The following TENM3 variants were observed in gnomAD, a reference collection of about 807,000 sequenced individuals.
TENM3 encodes teneurin transmembrane protein 3, also known as teneurin-3.
Under a neutral mutation model 255.1 loss-of-function variants are expected in TENM3, and 63 were observed. The observed-to-expected ratio is 0.25, with a 90% confidence interval of 0.20 to 0.30. The LOEUF is 0.30. TENM3 is among the 10% of genes least tolerant of loss of function. The pLI is 1.00. For synonymous variants in TENM3, 1,306 were observed against 1,322.3 expected, an observed-to-expected ratio of 0.99 and a Z score of 0.27; for missense variants, 2,929 against 3,461.1, an observed-to-expected ratio of 0.85 and a Z score of 3.86.
intron 2 of TENM3, among the ~76,000 whole-genome samples, chr4:182,346,307 T>G (rs1764802073): frequency 1.3e-5 from 2 of 152,168 alleles, no homozygotes; most frequent in South Asian, 4.1e-4. Context: ...CAATTTCCAT[T>G]GCCTCACAAG....
At chr4:182,477,373 T>G (rs1438167155) in intron 3 of TENM3, among the ~76,000 whole-genome samples, 1 of 152,138 alleles carries the variant, frequency 6.6e-6, no homozygotes, top group Non-Finnish European at 1.5e-5. Flanking sequence ...CGTTCCACCT[T>G]CATTGAGACC....
chr4:182,304,071 C>T (rs1228226597), intron 1 of TENM3, among the ~76,000 whole-genome samples: 9 of 149,838 alleles, frequency 6.0e-5, no homozygotes, highest in East Asian at 2.0e-4. Context: ...TTCCAGTATT[C>T]GAGAGGAAAA....
chr4:182,721,346 C>A (rs1223436945), intron 13 of TENM3, among the ~76,000 whole-genome samples: 2 of 152,152 alleles, frequency 1.3e-5, no homozygotes, highest in East Asian at 3.9e-4. Context: ...TAAATAAATA[C>A]TATTCTAAAT....
chr4:181,630,843 G>A, the TENM3 span, among the ~76,000 whole-genome samples: 19 of 152,150 alleles, frequency 1.2e-4, no homozygotes, highest in Non-Finnish European at 2.2e-4. Flanking sequence ...TTCTGTAGAC[G>A]TCTATTAGGT....
At chr4:181,986,625 G>A in the TENM3 span, among the ~76,000 whole-genome samples, 1 of 151,878 alleles carries the variant, frequency 6.6e-6, no homozygotes, top group Non-Finnish European at 1.5e-5. Context: ...TTCTCATCTG[G>A]CTCCAAGCAC....
At chr4:182,267,214 T>TAAC (rs1356204606) in intron 1 of TENM3, among the ~76,000 whole-genome samples, 2 of 152,230 alleles carry the variant, frequency 1.3e-5, no homozygotes, top group South Asian at 4.1e-4. Flanking sequence ...TTACAGCTTT[T>TAAC]AACAGTTGAG....
the TENM3 span, among the ~76,000 whole-genome samples, chr4:182,114,033 C>A: frequency 1.3e-5 from 2 of 152,184 alleles, no homozygotes; most frequent in African/African-American, 4.8e-5. Context: ...TGAAGTCAGA[C>A]TACCCTGCTT....
At chr4:182,308,646 T>C (rs1762271237) in intron 1 of TENM3, among the ~76,000 whole-genome samples, 1 of 152,192 alleles carries the variant, frequency 6.6e-6, no homozygotes, top group South Asian at 2.1e-4. Context: ...AACCTATGCA[T>C]GTATTTGTCT....
chr4:182,492,890 ATT>A (rs140098543), intron 3 of TENM3, among the ~76,000 whole-genome samples: 8 of 146,024 alleles, frequency 5.5e-5, no homozygotes, highest in South Asian at 4.3e-4. Flanking sequence ...TCATGTCAAC[ATT>A]TTTTTTTTTT....
chr4:181,905,919 T>C, the TENM3 span: 1 of 569,780 alleles, frequency 1.8e-6, no homozygotes. Context: ...CTCAGCAGAA[T>C]GACATTGCTC....
chr4:182,093,601 A>C, the TENM3 span, among the ~76,000 whole-genome samples: 2 of 152,176 alleles, frequency 1.3e-5, no homozygotes, highest in African/African-American at 2.4e-5. Flanking sequence ...GCCAACATGC[A>C]AACTTCCACT....
chr4:181,980,406 A>G, the TENM3 span: 1 of 152,190 alleles, frequency 6.6e-6, no homozygotes. Flanking sequence ...TATAAAATAA[A>G]TTTCATAGCC....
chr4:182,783,574 C>T (rs1397981960), intron 24 of TENM3, among the ~76,000 whole-genome samples: 2 of 150,036 alleles, frequency 1.3e-5, no homozygotes, highest in African/African-American at 4.9e-5. Context: ...GTGGCGTTCT[C>T]TGTATTTCCT....
the TENM3 span, among the ~76,000 whole-genome samples, chr4:181,821,096 C>T: frequency 2.0e-5 from 3 of 152,154 alleles, no homozygotes; most frequent in Non-Finnish European, 4.4e-5. Flanking sequence ...ATGGCAGTGC[C>T]TAGAGCCCCA....
the TENM3 span, among the ~76,000 whole-genome samples, chr4:181,867,700 A>G: frequency 3.2e-4 from 48 of 152,306 alleles, no homozygotes; most frequent in East Asian, 8.9e-3. Context: ...CTGTTATGAT[A>G]AAATTAATGT....
chr4:182,677,148 G>A (rs898390219), intron 7 of TENM3, among the ~76,000 whole-genome samples: 2 of 152,172 alleles, frequency 1.3e-5, no homozygotes, highest in African/African-American at 4.8e-5. Context: ...GATGGTTTTA[G>A]TGTTAAAGTA....
the TENM3 span, among the ~76,000 whole-genome samples, chr4:181,773,385 C>T: frequency 5.1e-3 from 776 of 152,262 alleles, 8 homozygotes; most frequent in African/African-American, 0.017. Context: ...GTATTTGCTA[C>T]GGTTGATGTC....
intron 3 of TENM3, among the ~76,000 whole-genome samples, chr4:182,455,137 A>T (rs750607322): frequency 1.3e-5 from 2 of 152,250 alleles, no homozygotes; most frequent in Non-Finnish European, 2.9e-5. Flanking sequence ...ATCATCAAAA[A>T]TAGTTCGTTC....
the TENM3 span, among the ~76,000 whole-genome samples, chr4:181,682,536 A>G: frequency 6.6e-6 from 1 of 152,178 alleles, no homozygotes; most frequent in Non-Finnish European, 1.5e-5. Context: ...AAATAAAGCA[A>G]CAGGATGTGG....
Sources: allele counts gnomAD v4.1 joint callset (sites outside exome capture counted in the v4.1 genomes callset), GRCh38; gene constraint gnomAD v4.1.1; transcripts MANE v1.5; gene names NCBI Gene and HGNC (gene_info 2026-07-23, HGNC 2026-07-21).